Variants in ITGAE observed in about 807,000 individuals in gnomAD.
ITGAE encodes the protein integrin subunit alpha E.
Under a neutral mutation model 136.5 loss-of-function variants are expected in ITGAE, and 99 were observed. The ratio of observed to expected loss-of-function variants is 0.73; its 90% CI spans 0.62 to 0.86. The LOEUF (loss-of-function observed/expected upper bound fraction) is 0.86, where lower values mean the gene tolerates loss of function less well. ITGAE is among the 40% of genes least tolerant of loss of function. The pLI is 0.00. For synonymous variants in ITGAE, 613 were observed against 591.8 expected (o/e 1.04, Z -0.52); for missense variants, 1,447 against 1,515.3 (o/e 0.95, Z 0.75).
chr17:3,730,699 G>A (rs1341626540), intron 23 of ITGAE, among the ~76,000 whole-genome samples: 1 of 152,060 alleles, frequency 6.6e-6, no homozygotes, highest in East Asian at 1.9e-4. Context: ...CCAAGTCATG[G>A]CAATCAAAAC....
Position 3,716,671 on chromosome 17 carries a change from C to G in ITGAE, c.3444+17G>C. ...AGCCCAGTCTTCCCTCACTGTGATG[C>G]CATGAGTAGAACTGACCTTGAACAG... On this transcript the variant is annotated intron_variant, in intron 30 of 30. Coordinates refer to ENST00000263087, the MANE Select transcript of ITGAE (RefSeq NM_002208.5). The G allele has an allele frequency of 7.1e-7, 1 of 1,414,706 alleles. No individual in the cohort carries two copies. The highest frequency in any genetic ancestry group is 1.2e-5 in the South Asian group (1 of 86,810). 87.6% of individuals were successfully genotyped at this position (1,414,706 alleles called of 1,614,324 possible). A position where few individuals can be genotyped will look rare whatever the true frequency, so the allele number is the denominator to read the frequency against.
intron 16 of ITGAE, among the ~76,000 whole-genome samples, chr17:3,748,477 C>T (rs867059510): frequency 1.3e-4 from 20 of 152,224 alleles, no homozygotes; most frequent in Non-Finnish European, 2.2e-4. Flanking sequence ...ATCCCACCTA[C>T]TTGGGAGGCT....
Position 3,748,050 on chromosome 17 carries a change from G to A in ITGAE, c.2027C>T (p.Ser676Phe), listed in dbSNP as rs369478764. 1 of 1,610,524 alleles carries A rather than the reference G, an allele frequency of 6.2e-7. No homozygotes were observed. The highest frequency in any genetic ancestry group is 1.1e-5 in the South Asian group (1 of 90,992). The change falls in exon 17 of 31, where the codon TCC becomes TTC. Residue 676 changes from serine (S) to phenylalanine (F), a missense_variant and splice_region_variant. Physicochemically the swap from Ser to Phe is radical, Grantham distance 155 (BLOSUM62 -2). Coordinates refer to ENST00000263087, the MANE Select transcript of ITGAE (RefSeq NM_002208.5). ...GACCTTCAGGCGAACCACAGGCCGGGAGCTAAACAAGACAGCAAAGAGGAT... is the reference window on the plus strand; with the variant it reads ...GACCTTCAGGCGAACCACAGGCCGGAAGCTAAACAAGACAGCAAAGAGGAT... ...GTLGQAVVFR[S>F]RPVVRLKVSM...
chr17:3,726,001 C>T lies in ITGAE; in HGVS notation c.3084+1918G>A, dbSNP rs200683989. The T allele has an allele frequency of 2.5e-6, 4 of 1,613,958 alleles. No homozygotes were observed. The African/African-American group carries it at 4.0e-5, about 16-fold the overall frequency. ...TTGCAAGTGAGCATCATTGACTACA[C>T]CCTGTCGCGCTTGGAACGGGATGGG... is the stretch of plus-strand genomic sequence containing the variant. On this transcript the variant is annotated intron_variant, in intron 26 of 30. Transcript: ENST00000263087.
At chr17:3,771,968 C>T (rs2052434620) in intron 2 of ITGAE, among the ~76,000 whole-genome samples, 1 of 151,800 alleles carries the variant, frequency 6.6e-6, no homozygotes, top group Admixed American at 6.6e-5. Context: ...GCTTCAGACC[C>T]TCTAGTTCCT....
intron 4 of ITGAE, 54 bp downstream of exon 4, chr17:3,761,861 G>T: frequency 1.3e-6 from 2 of 1,494,726 alleles, no homozygotes; most frequent in Non-Finnish European, 1.9e-6. Context: ...GGTCAACCAC[G>T]AGGGCTAGCA....
intron 30 of ITGAE, among the ~76,000 whole-genome samples, chr17:3,716,418 C>T (rs910202639): frequency 5.9e-5 from 9 of 152,298 alleles, no homozygotes; most frequent in African/African-American, 1.7e-4. Context: ...GGTAACCGAA[C>T]ATAACAGTAT....
intron 1 of ITGAE, among the ~76,000 whole-genome samples, chr17:3,784,122 T>C (rs1045916956): frequency 2.0e-4 from 30 of 151,796 alleles, no homozygotes; most frequent in African/African-American, 6.5e-4. Flanking sequence ...TAGCCGGGCG[T>C]GGTGGCGGGC....
chr17:3,725,339 T>C, intron 26 of ITGAE: 2 of 1,614,224 alleles, frequency 1.2e-6, no homozygotes, highest in Non-Finnish European at 1.7e-6. Flanking sequence ...GGGAATGCAG[T>C]CAGAAGGGTC....
In ITGAE at chr17:3,749,474, C is replaced by G. The variant is rs571793930; in HGVS notation, c.2024+878G>C. ...TCACCGTGTTAGCCAGGATGGTCTC[C>G]ATCTCCTGACCTTGTGATCCACCCG... On this transcript the variant is annotated intron_variant, in intron 16 of 30. Transcript: ENST00000263087. Among the ~76,000 whole-genome samples the G allele has an allele frequency of 6.7e-3, 1,018 of 152,056 alleles. 3 individuals carry two copies. Among genetic ancestry groups the G allele is most frequent in the Admixed American group, 0.011 (163 of 15,260 alleles).
rs927629161 is a variant in ITGAE, at chr17:3,720,386, G to C, written c.3254C>G (p.Thr1085Ser). The change falls in exon 29 of 31, where the codon ACT (threonine) becomes AGT (serine). Residue 1085 changes from threonine (T) to serine (S), a missense_variant. Physicochemically the swap from Thr to Ser is moderately conservative, Grantham distance 58. Transcript: ENST00000263087. ...DHSEELLKDV[T>S]ELQILGEISF... ...TATTTCACCAAGGATCTGCAGTTCAGTTACATCTTTTAGTAACTAGAAGAT... is the reference window on the plus strand; with the variant it reads ...TATTTCACCAAGGATCTGCAGTTCACTTACATCTTTTAGTAACTAGAAGAT... The C allele has an allele frequency of 6.5e-7, 1 of 1,538,046 alleles. No homozygotes were observed. Among genetic ancestry groups the C allele is most frequent in the South Asian group, 1.1e-5 (1 of 89,424 alleles).
chr17:3,800,024 C>G (rs943645704), intron 1 of ITGAE, among the ~76,000 whole-genome samples: 4 of 152,154 alleles, frequency 2.6e-5, no homozygotes, highest in African/African-American at 9.7e-5. Flanking sequence ...GAGGCTGAGG[C>G]AGGAGAACTG....
chr17:3,778,888 G>A (rs1351677556), intron 1 of ITGAE, among the ~76,000 whole-genome samples: 1 of 152,178 alleles, frequency 6.6e-6, no homozygotes, highest in Non-Finnish European at 1.5e-5. Flanking sequence ...AATAACACGA[G>A]CCCTGTCGTT....
intron 1 of ITGAE, among the ~76,000 whole-genome samples, chr17:3,783,604 T>A (rs967220323): frequency 6.6e-6 from 1 of 152,234 alleles, no homozygotes; most frequent in Admixed American, 6.5e-5. Flanking sequence ...GTAAAAGTCA[T>A]TTGAGTATCT....
chr17:3,787,690 CT>C (rs373882120), intron 1 of ITGAE, among the ~76,000 whole-genome samples: 486 of 140,148 alleles, frequency 3.5e-3, no homozygotes, highest in Middle Eastern at 7.2e-3. Flanking sequence ...ATGGTTTTCT[CT>C]TTTTTTTTTT....
intron 1 of ITGAE, among the ~76,000 whole-genome samples, chr17:3,783,433 C>T (rs752862822): frequency 3.9e-5 from 6 of 152,240 alleles, no homozygotes; most frequent in Admixed American, 1.3e-4. Flanking sequence ...CGTGAGCCAC[C>T]GCGCCTAGCC....
At chr17:3,781,519 C>T (rs960981828) in intron 1 of ITGAE, among the ~76,000 whole-genome samples, 12 of 152,024 alleles carry the variant, frequency 7.9e-5, no homozygotes, top group East Asian at 1.9e-4. Flanking sequence ...CCATCATGCC[C>T]GGCTAATATT....
chr17:3,715,736 G>GT (rs2050929610), intron 30 of ITGAE, among the ~76,000 whole-genome samples: 4 of 152,056 alleles, frequency 2.6e-5, no homozygotes, highest in Admixed American at 2.6e-4. Context: ...ATGCACCTGA[G>GT]TAACAGTCCC....
At chr17:3,717,545 G>A (rs2050966580) in intron 29 of ITGAE, 1 of 152,120 alleles carries the variant, frequency 6.6e-6, no homozygotes, top group Admixed American at 6.6e-5. Flanking sequence ...TCCAAGTTGT[G>A]GCCAGAGGAA....
Sources: gnomAD v4.1 joint callset for allele counts (sites outside exome capture counted in the v4.1 genomes callset) on GRCh38, gnomAD v4.1.1 for gene constraint, MANE v1.5 for transcripts, NCBI Gene and HGNC (gene_info 2026-07-23, HGNC 2026-07-21) for gene names.